The following GLIS3 variants were observed in gnomAD, a reference collection of about 807,000 sequenced individuals.
GLIS3 encodes zinc finger protein GLIS3.
A neutral mutation model predicts 78.6 loss-of-function variants in GLIS3; 53 were observed. That is an observed-to-expected ratio of 0.67 (90% CI 0.54 to 0.85). GLIS3 has a LOEUF of 0.85. Among genes scored for constraint, GLIS3 ranks in the 40% least tolerant of loss-of-function variants. The pLI, the probability that GLIS3 is intolerant of heterozygous loss-of-function variation, is 0.00. For missense variants in GLIS3, 1,703 were observed against 1,231.1 expected (o/e 1.38, Z -5.74); for synonymous variants, 684 against 509.9 (o/e 1.34, Z -4.60).
At chr9:4,115,733 T>G (rs766177186) in intron 4 of GLIS3, among the ~76,000 whole-genome samples, 1 of 152,152 alleles carries the variant, frequency 6.6e-6, no homozygotes, top group East Asian at 1.9e-4. Context: ...TAAAAATATA[T>G]AGCCCCAGAA....
chr9:4,249,511 G>C (rs200111246), intron 2 of GLIS3, among the ~76,000 whole-genome samples: 2 of 152,124 alleles, frequency 1.3e-5, no homozygotes, highest in Non-Finnish European at 2.9e-5. Context: ...GCTTAAGGAG[G>C]TTTGGGGCTG....
At chr9:4,277,558 A>G (rs1290968421) in intron 2 of GLIS3, among the ~76,000 whole-genome samples, 1 of 152,218 alleles carries the variant, frequency 6.6e-6, no homozygotes. Flanking sequence ...CTTTGTTGAT[A>G]TTATTCTGTC....
At chr9:4,342,721 A>G (rs899766034) in intron 2 of GLIS3, among the ~76,000 whole-genome samples, 1 of 152,164 alleles carries the variant, frequency 6.6e-6, no homozygotes, top group Non-Finnish European at 1.5e-5. Context: ...GATTCTTCCA[A>G]TCCATGAGCA....
At chr9:3,904,413 G>C (rs1180603545) in intron 6 of GLIS3, among the ~76,000 whole-genome samples, 1 of 152,110 alleles carries the variant, frequency 6.6e-6, no homozygotes, top group East Asian at 1.9e-4. Context: ...ACAAATTTCT[G>C]ACTTGTCAGC....
At chr9:3,871,445 A>G (rs1820962782) in intron 8 of GLIS3, among the ~76,000 whole-genome samples, 2 of 152,328 alleles carry the variant, frequency 1.3e-5, no homozygotes, top group South Asian at 4.1e-4. Flanking sequence ...GTTCTTCATG[A>G]GAGCTGTGCC....
At chr9:4,025,954 TA>T (rs1823301828) in intron 4 of GLIS3, among the ~76,000 whole-genome samples, 1 of 152,184 alleles carries the variant, frequency 6.6e-6, no homozygotes, top group African/African-American at 2.4e-5. Context: ...TATTCTGTAT[TA>T]TAATTAGGAC....
At chr9:4,438,738 T>C in the GLIS3 span, among the ~76,000 whole-genome samples, 1 of 152,180 alleles carries the variant, frequency 6.6e-6, no homozygotes, top group African/African-American at 2.4e-5. Flanking sequence ...GATTGTTCTA[T>C]AAATGAGAGT....
intron 4 of GLIS3, among the ~76,000 whole-genome samples, chr9:4,112,509 C>G (rs1831303282): frequency 6.6e-6 from 1 of 152,138 alleles, no homozygotes; most frequent in Non-Finnish European, 1.5e-5. Flanking sequence ...ATTAGAATCA[C>G]CTTGGAAGCT....
chr9:4,286,503 T>C lies in GLIS3; in HGVS notation c.-78A>G. ...CTTTCAGGCAAAGTCCAATAAGTTA[T>C]CCATGGTGTGGGTTATAAGCCTGTT... On this transcript the variant is annotated 5_prime_UTR_variant, in exon 2 of 11. Coordinates refer to ENST00000381971, the MANE Select transcript of GLIS3 (RefSeq NM_001042413.2). 6.5e-7 allele frequency: 1 copy of C among 1,547,180 alleles called. No homozygotes were observed. Among genetic ancestry groups the C allele is most frequent in the South Asian group, 1.1e-5 (1 of 88,700 alleles).
chr9:4,159,436 T>A (rs554470920), intron 2 of GLIS3, among the ~76,000 whole-genome samples: 19 of 152,294 alleles, frequency 1.2e-4, no homozygotes, highest in Admixed American at 9.8e-4. Flanking sequence ...AATAAATCTG[T>A]GGCCAGGCGC....
chr9:3,904,111 T>C (rs1210413823), intron 6 of GLIS3, among the ~76,000 whole-genome samples: 2 of 152,200 alleles, frequency 1.3e-5, no homozygotes, highest in Non-Finnish European at 2.9e-5. Flanking sequence ...CTGTGAGGTG[T>C]GACTACTGTG....
chr9:4,008,960 G>A (rs1821782038), intron 4 of GLIS3, among the ~76,000 whole-genome samples: 1 of 152,150 alleles, frequency 6.6e-6, no homozygotes, highest in South Asian at 2.1e-4. Context: ...ACTACAGCAT[G>A]TGTTCTTCAC....
chr9:3,828,170 A>C lies in GLIS3; in HGVS notation c.*102T>G. Reference sequence around the variant, plus strand: ...ATCAGTAACTCTGCAGGGCCCGCTGATTGGGCTGACATCCTTCCTCAAGCA... The same window carrying C: ...ATCAGTAACTCTGCAGGGCCCGCTGCTTGGGCTGACATCCTTCCTCAAGCA... On this transcript the variant is annotated 3_prime_UTR_variant, in exon 11 of 11. Transcript: ENST00000381971. 7.2e-7 allele frequency: 1 copy of C among 1,393,102 alleles called. No homozygotes were observed. Among genetic ancestry groups the C allele is most frequent in the Admixed American group, 1.7e-5 (1 of 59,328 alleles). The allele number at this position is 1,393,102 out of a possible 1,614,324, so 86.3% of individuals were successfully genotyped here.
Position 4,286,487 on chromosome 9 carries a change from A to C in GLIS3, c.-62T>G. The stretch of plus-strand genomic sequence containing the variant: ...ATGTCACTAATGACTCCTTTCAGGC[A>C]AAGTCCAATAAGTTATCCATGGTGT... On this transcript the variant is annotated 5_prime_UTR_variant, in exon 2 of 11. Coordinates refer to ENST00000381971, the MANE Select transcript of GLIS3 (RefSeq NM_001042413.2). The C allele has an allele frequency of 6.3e-7, 1 of 1,590,550 alleles. No individual in the cohort carries two copies. Among genetic ancestry groups the C allele is most frequent in the South Asian group, 1.1e-5 (1 of 90,074 alleles).
chr9:3,859,882 C>T (rs1454393399), intron 8 of GLIS3, among the ~76,000 whole-genome samples: 1 of 152,146 alleles, frequency 6.6e-6, no homozygotes, highest in Non-Finnish European at 1.5e-5. Flanking sequence ...CAAACACTTC[C>T]ACTCATTTGG....
intron 2 of GLIS3, among the ~76,000 whole-genome samples, chr9:4,248,560 G>A (rs1365880611): frequency 1.3e-5 from 2 of 152,192 alleles, no homozygotes; most frequent in Non-Finnish European, 2.9e-5. Context: ...ATGTGTGCAT[G>A]TGTCTTTGTA....
At chr9:3,991,788 T>G (rs1820298207) in intron 4 of GLIS3, among the ~76,000 whole-genome samples, 1 of 150,068 alleles carries the variant, frequency 6.7e-6, no homozygotes, top group Non-Finnish European at 1.5e-5. Flanking sequence ...CCTCCCGGCT[T>G]CATGCCATTC....
rs559401592 is a variant in GLIS3 at position 4,073,149 on chromosome 9, C to A, written c.1710+44619G>T. Among the ~76,000 whole-genome samples, 6 of 152,252 alleles carry A rather than the reference C, an allele frequency of 3.9e-5. No individual in the cohort carries two copies. In the South Asian group the frequency reaches 1.2e-3, roughly 32 times the overall value. The stretch of plus-strand genomic sequence containing the variant: ...ACATTTGAGTTGCACGCCTGTTCCT[C>A]AAACACCCATCAACTGAAATGTATA... On this transcript the variant is annotated intron_variant, in intron 4 of 10. Transcript: ENST00000381971.
intron 4 of GLIS3, among the ~76,000 whole-genome samples, chr9:4,032,424 T>C (rs182961008): frequency 5.3e-4 from 81 of 152,278 alleles, no homozygotes; most frequent in African/African-American, 1.8e-3. Flanking sequence ...CTCACTTTCT[T>C]CTGCATAGAA....
Sources: allele counts gnomAD v4.1 joint callset (sites outside exome capture counted in the v4.1 genomes callset), GRCh38; gene constraint gnomAD v4.1.1; transcripts MANE v1.5; gene names NCBI Gene and HGNC (gene_info 2026-07-23, HGNC 2026-07-21).